The following EPM2A variants were observed in gnomAD, a reference collection of about 807,000 sequenced individuals.
The protein encoded by EPM2A is laforin.
A neutral mutation model predicts 26.5 loss-of-function variants in EPM2A; 21 were observed. The observed-to-expected ratio is 0.79, with a 90% CI of 0.56 to 1.14. The LOEUF (loss-of-function observed/expected upper bound fraction) is 1.14, where lower values mean the gene tolerates loss of function less well. EPM2A is among the 50% of genes most tolerant of loss of function. The pLI is 0.00. For synonymous variants in EPM2A, 217 were observed against 177.6 expected (o/e 1.22, Z -1.76); for missense variants, 458 against 440.8 (o/e 1.04, Z -0.35).
At chr6:145,663,454 A>C (rs539172809) in intron 2 of EPM2A, among the ~76,000 whole-genome samples, 1 of 152,356 alleles carries the variant, frequency 6.6e-6, no homozygotes, top group South Asian at 2.1e-4. Flanking sequence ...TGGGAAGCGC[A>C]AGGGGTCAGG....
chr6:145,639,451 G>C (rs1433633482), intron 2 of EPM2A: 1 of 152,134 alleles, frequency 6.6e-6, no homozygotes, highest in African/African-American at 2.4e-5. Flanking sequence ...AATTCTGTAG[G>C]TTCTTTGATT....
chr6:145,641,191 A>C (rs1194230588), intron 2 of EPM2A: 1 of 152,112 alleles, frequency 6.6e-6, no homozygotes, highest in Non-Finnish European at 1.5e-5. Context: ...CCCCTCCCCA[A>C]ACTCCTATGT....
intron 2 of EPM2A, among the ~76,000 whole-genome samples, chr6:145,658,155 C>G (rs978552536): frequency 6.6e-6 from 1 of 152,180 alleles, no homozygotes; most frequent in African/African-American, 2.4e-5. Flanking sequence ...GTCAGGCCAA[C>G]AAGATAAAAT....
At chr6:145,495,069 A>G (rs925359871) in intron 4 of EPM2A, among the ~76,000 whole-genome samples, 4 of 152,146 alleles carry the variant, frequency 2.6e-5, no homozygotes, top group Non-Finnish European at 4.4e-5. Flanking sequence ...TGATAATCTA[A>G]CATTGTTAGT....
At chr6:145,451,352 T>C (rs367712496) in intron 4 of EPM2A, among the ~76,000 whole-genome samples, 13 of 150,976 alleles carry the variant, frequency 8.6e-5, no homozygotes, top group African/African-American at 3.2e-4. Context: ...AATGCATTGG[T>C]AAAAAAATCC....
intron 2 of EPM2A, among the ~76,000 whole-genome samples, chr6:145,684,356 T>C (rs1307970694): frequency 6.6e-6 from 1 of 152,118 alleles, no homozygotes; most frequent in East Asian, 1.9e-4. Flanking sequence ...GAGCCCAAGA[T>C]ATGACTCTTC....
intron 2 of EPM2A, among the ~76,000 whole-genome samples, chr6:145,529,265 GA>G (rs1780321497): frequency 6.6e-6 from 1 of 152,172 alleles, no homozygotes; most frequent in Non-Finnish European, 1.5e-5. Context: ...CTCCAATTTT[GA>G]AAGAAGTTCT....
chr6:145,632,129 T>C (rs1429152270), intron 3 of EPM2A: 1 of 152,202 alleles, frequency 6.6e-6, no homozygotes, highest in Admixed American at 6.5e-5. Flanking sequence ...AGGTGGAAAT[T>C]ACTATCCTCA....
chr6:145,472,034 G>A (rs756227881), intron 4 of EPM2A, among the ~76,000 whole-genome samples: 4 of 150,884 alleles, frequency 2.7e-5, no homozygotes, highest in African/African-American at 4.9e-5. Flanking sequence ...GAGGGAAGGA[G>A]TGGGGAGGAC....
chr6:145,696,962 C>A (rs1212114281), intron 1 of EPM2A, among the ~76,000 whole-genome samples: 1 of 151,924 alleles, frequency 6.6e-6, no homozygotes, highest in Middle Eastern at 3.2e-3. Context: ...CTCTTTTAGT[C>A]AAAAAATGAG....
At chr6:145,706,445 G>A (rs981947200) in intron 1 of EPM2A, among the ~76,000 whole-genome samples, 1 of 152,140 alleles carries the variant, frequency 6.6e-6, no homozygotes, top group African/African-American at 2.4e-5. Context: ...TATTTTTATA[G>A]CTCAATAACA....
intron 2 of EPM2A, among the ~76,000 whole-genome samples, chr6:145,565,582 C>T (rs1390673526): frequency 1.3e-5 from 2 of 152,176 alleles, no homozygotes; most frequent in Admixed American, 6.5e-5. Context: ...AGGGCCATGA[C>T]CAAGAAACTT....
chr6:145,551,939 GAACCAAATAAAATTATATTTAGGTAA>G (rs1164056157), intron 2 of EPM2A, among the ~76,000 whole-genome samples: 1 of 150,970 alleles, frequency 6.6e-6, no homozygotes, highest in Non-Finnish European at 1.5e-5. Context: ...ATTCGATATA[GAACCAAATAAAATTATATTTAGGTAA>G]AACCAAATAA....
intron 2 of EPM2A, chr6:145,671,371 A>G (rs769828758): frequency 1.4e-4 from 142 of 996,446 alleles, no homozygotes; most frequent in Non-Finnish European, 1.7e-4. Context: ...TTGAGGCACA[A>G]CTGGAATTCA....
intron 4 of EPM2A, among the ~76,000 whole-genome samples, chr6:145,464,495 A>G (rs1779362509): frequency 6.6e-6 from 1 of 152,138 alleles, no homozygotes; most frequent in Non-Finnish European, 1.5e-5. Context: ...TTTTCCTACC[A>G]TGATGGGAAA....
At chr6:145,592,654 CTT>C (rs1161869412) in intron 2 of EPM2A, among the ~76,000 whole-genome samples, 5 of 152,204 alleles carry the variant, frequency 3.3e-5, no homozygotes, top group Non-Finnish European at 7.4e-5. Context: ...TGTTTCCTGA[CTT>C]TTTAATGATC....
At chr6:145,548,256 T>G (rs1292931072) in intron 2 of EPM2A, among the ~76,000 whole-genome samples, 2 of 152,134 alleles carry the variant, frequency 1.3e-5, no homozygotes, top group Non-Finnish European at 2.9e-5. Context: ...TTTAATGAGC[T>G]TCCAATCAAG....
At chr6:145,711,524 G>T (rs1405370263) in intron 1 of EPM2A, among the ~76,000 whole-genome samples, 1 of 152,150 alleles carries the variant, frequency 6.6e-6, no homozygotes, top group African/African-American at 2.4e-5. Context: ...GAGCCCAGAA[G>T]AGAGATTAGA....
At chr6:145,688,201 G>A (rs1407087385) in intron 1 of EPM2A, among the ~76,000 whole-genome samples, 1 of 152,024 alleles carries the variant, frequency 6.6e-6, no homozygotes, top group Non-Finnish European at 1.5e-5. Context: ...TACCTCTCTG[G>A]CTACAGAGTA....
Sources: gnomAD v4.1 joint callset for allele counts (sites outside exome capture counted in the v4.1 genomes callset) on GRCh38, gnomAD v4.1.1 for gene constraint, MANE v1.5 for transcripts, NCBI Gene and HGNC (gene_info 2026-07-23, HGNC 2026-07-21) for gene names.